The following CKAP5 variants were observed in gnomAD, a reference collection of about 807,000 sequenced individuals.
The protein encoded by CKAP5 is cytoskeleton-associated protein 5.
A neutral mutation model predicts 232.8 loss-of-function variants in CKAP5; 27 were observed. That is an observed-to-expected ratio of 0.12 (90% CI 0.09 to 0.16). CKAP5 has a LOEUF of 0.16. CKAP5 is among the 10% of genes least tolerant of loss of function. The probability of loss-of-function intolerance (pLI) is 1.00; values close to 1 mark genes in which losing one functional copy is unlikely to be tolerated. For synonymous variants in CKAP5, 785 were observed against 841.1 expected, an observed-to-expected ratio of 0.93 and a Z score of 1.16; for missense variants, 1,838 against 2,424.7, an observed-to-expected ratio of 0.76 and a Z score of 5.08.
At chr11:46,800,859 G>A (rs936223120) in intron 9 of CKAP5, among the ~76,000 whole-genome samples, 1 of 152,018 alleles carries the variant, frequency 6.6e-6, no homozygotes, top group African/African-American at 2.4e-5. Context: ...GGTCCTGGTC[G>A]TTACAAGTTT....
intron 8 of CKAP5, among the ~76,000 whole-genome samples, chr11:46,806,388 A>C (rs1025656649): frequency 6.6e-6 from 1 of 152,232 alleles, no homozygotes; most frequent in African/African-American, 2.4e-5. Flanking sequence ...CCAGAGCAAT[A>C]AGATTTCTAA....
intron 13 of CKAP5, among the ~76,000 whole-genome samples, chr11:46,791,252 T>G (rs1938709914): frequency 6.7e-6 from 1 of 149,942 alleles, no homozygotes; most frequent in African/African-American, 2.4e-5. Context: ...TGGGTTTTTT[T>G]TTTTTTTTGT....
At position 46,751,148 on chromosome 11, in the gene CKAP5, A is replaced by G. The variant is rs1184545995; in HGVS notation, c.5430T>C (p.Asp1810=). The part of the protein sequence containing the change: ...HSMDQTGSKS[D]KETEKGASRI... ...GAGATGCTCCCTTTTCTGTTTCCTT[A>G]TCAGACTTGCTCCCAGTCTGGTCCA... The change falls in exon 40 of 44, where the codon GAT becomes GAC. Residue 1810 remains aspartate (D), a synonymous_variant. Coordinates refer to ENST00000529230, the MANE Select transcript of CKAP5 (RefSeq NM_001008938.4). The G allele has an allele frequency of 1.2e-6, 2 of 1,614,054 alleles. No homozygotes were observed. The highest frequency in any genetic ancestry group is 1.7e-6 in the Non-Finnish European group (2 of 1,180,016).
rs781633687 is a variant in CKAP5, at chr11:46,759,049, T to C, written c.4569-6A>G. ...GTGGAGAAACAGCCCGGATCCTAGA[T>C]AGCAGAACAAAGAGAAAACTTCAAC... On this transcript the variant is annotated splice_region_variant and splice_polypyrimidine_tract_variant and intron_variant, in intron 34 of 43. Coordinates refer to ENST00000529230, the MANE Select transcript of CKAP5 (RefSeq NM_001008938.4). The C allele has an allele frequency of 2.5e-6, 4 of 1,612,596 alleles. No homozygotes were observed. The East Asian group carries it at 8.9e-5, about 36-fold the overall frequency.
chr11:46,748,811 G>A (rs1404753694), intron 42 of CKAP5, among the ~76,000 whole-genome samples: 4 of 151,698 alleles, frequency 2.6e-5, no homozygotes, highest in Non-Finnish European at 5.9e-5. Flanking sequence ...CAGGCTTACG[G>A]GATGATCAGG....
chr11:46,796,756 T>C, intron 12 of CKAP5, 56 bp downstream of exon 12: 3 of 1,595,548 alleles, frequency 1.9e-6, no homozygotes, highest in Non-Finnish European at 2.6e-6. Flanking sequence ...GACAAAGCCA[T>C]GATGCAAAGA....
intron 13 of CKAP5, among the ~76,000 whole-genome samples, chr11:46,791,500 C>T (rs994665173): frequency 6.6e-6 from 1 of 151,872 alleles, no homozygotes; most frequent in Non-Finnish European, 1.5e-5. Flanking sequence ...GGCAAAACCC[C>T]ATCTCTACAA....
intron 27 of CKAP5, among the ~76,000 whole-genome samples, chr11:46,765,986 T>C (rs896656972): frequency 6.6e-6 from 1 of 152,236 alleles, no homozygotes; most frequent in Admixed American, 6.5e-5. Flanking sequence ...CCTTTTGAAC[T>C]TGCTTCTAGA....
chr11:46,798,141 T>C lies in CKAP5; in HGVS notation c.1115A>G (p.Glu372Gly). 6.2e-7 allele frequency: 1 copy of C among 1,614,104 alleles called. No homozygotes were observed. The highest frequency in any genetic ancestry group is 8.5e-7 in the Non-Finnish European group (1 of 1,179,990). ...GGCTTGTACCACTTGAGGTTTCTTC[T>C]CTTTGAATTTCTCCAAGATGGTTGG... ...VVPTILEKFK[E>G]KKPQVVQALQ... Residue 372 changes from glutamate (E) to glycine (G), a missense_variant, in exon 10 of 44, where the codon GAG becomes GGG. Glu to Gly is a moderately conservative substitution (Grantham distance 98). Transcript: ENST00000529230.
At position 46,795,750 on chromosome 11, in the gene CKAP5, T is replaced by G. The variant is rs1938857576; in HGVS notation, c.1494A>C (p.Glu498Asp). The G allele has an allele frequency of 1.9e-6, 3 of 1,613,640 alleles. No homozygotes were observed. The highest frequency in any genetic ancestry group is 2.5e-6 in the Non-Finnish European group (3 of 1,179,866). The part of the protein sequence containing the change: ...DKIKECSEKV[E>D]LIHGKKAGLA... ...GTCCAGCTTTCTTACCATGTATCAGTTCTACCTTTTCTGAACATTCTTTGA... is the reference window on the plus strand; with the variant it reads ...GTCCAGCTTTCTTACCATGTATCAGGTCTACCTTTTCTGAACATTCTTTGA... The change falls in exon 13 of 44, where the codon GAA (glutamate) becomes GAC (aspartate). Residue 498 changes from glutamate (E) to aspartate (D), a missense_variant. Physicochemically the swap from Glu to Asp is conservative, Grantham distance 45. Transcript: ENST00000529230.
chr11:46,800,637 AACAAAT>A (rs1242653758), intron 9 of CKAP5, among the ~76,000 whole-genome samples: 3 of 152,242 alleles, frequency 2.0e-5, no homozygotes, highest in African/African-American at 7.2e-5. Flanking sequence ...ATAGTAAGTC[AACAAAT>A]GTCTCCAGTC....
chr11:46,779,688 T>C (rs540387796), intron 20 of CKAP5, among the ~76,000 whole-genome samples: 1 of 152,248 alleles, frequency 6.6e-6, no homozygotes, highest in Non-Finnish European at 1.5e-5. Flanking sequence ...GGTACAAACA[T>C]GGCTCACTGG....
intron 28 of CKAP5, 80 bp from the exon 29 acceptor site, chr11:46,763,710 A>G: frequency 1.1e-6 from 1 of 877,014 alleles, no homozygotes; most frequent in East Asian, 3.0e-5. Context: ...ATGCAGCTGC[A>G]GGAACAATAA....
chr11:46,790,625 T>C, intron 13 of CKAP5, 42 bp from the exon 14 acceptor site: 1 of 1,330,384 alleles, frequency 7.5e-7, no homozygotes, highest in Non-Finnish European at 1.1e-6. Context: ...CACCTAAGGA[T>C]TTAAAATAGT....
At chr11:46,788,344 G>A (rs979834188) in intron 16 of CKAP5, among the ~76,000 whole-genome samples, 2 of 152,212 alleles carry the variant, frequency 1.3e-5, no homozygotes, top group African/African-American at 4.8e-5. Flanking sequence ...GGAGGCCAAG[G>A]CAGGCGGATC....
intron 24 of CKAP5, among the ~76,000 whole-genome samples, chr11:46,773,823 A>G (rs1441223344): frequency 2.0e-5 from 3 of 152,188 alleles, no homozygotes; most frequent in East Asian, 1.9e-4. Context: ...GATTACAGGC[A>G]TGAGTCACTG....
chr11:46,769,721 A>G (rs2065232332), intron 26 of CKAP5, among the ~76,000 whole-genome samples: 2 of 152,018 alleles, frequency 1.3e-5, no homozygotes, highest in East Asian at 3.9e-4. Flanking sequence ...AACAAAAACA[A>G]AAAAAACTTT....
At chr11:46,755,100 A>T (rs762894152) in intron 35 of CKAP5, 33 bp from the exon 36 acceptor site, 5 of 1,542,828 alleles carry the variant, frequency 3.2e-6, no homozygotes, top group Non-Finnish European at 4.4e-6. Context: ...ATATTTTCCA[A>T]GCTTCATACT....
chr11:46,795,683 T>C lies in CKAP5; in HGVS notation c.1561A>G (p.Thr521Ala), dbSNP rs1938854675. The part of the protein sequence containing the change: ...KKEFKPLPGR[T>A]AASGAAGDKD... The stretch of plus-strand genomic sequence containing the variant: ...TCTCCTGCAGCCCCTGAAGCAGCAG[T>C]CCTTCCAGGCAGAGGTTTGAATTCC... Residue 521 changes from threonine to alanine, a missense_variant, in exon 13 of 44, where the codon ACT becomes GCT. Coordinates refer to ENST00000529230, the MANE Select transcript of CKAP5 (RefSeq NM_001008938.4). The C allele has an allele frequency of 5.6e-6, 9 of 1,614,136 alleles. No individual in the cohort carries two copies. The highest frequency in any genetic ancestry group is 7.6e-6 in the Non-Finnish European group (9 of 1,180,004).
Sources: allele counts gnomAD v4.1 joint callset (sites outside exome capture counted in the v4.1 genomes callset), GRCh38; gene constraint gnomAD v4.1.1; transcripts MANE v1.5; gene names NCBI Gene and HGNC (gene_info 2026-07-23, HGNC 2026-07-21).